SLC24A2: variants seen among roughly 807,000 people sequenced by gnomAD.
The protein encoded by SLC24A2 is solute carrier family 24 member 2, also known as sodium/potassium/calcium exchanger 2.
In SLC24A2, 36 loss-of-function variants were observed where a neutral mutation model predicts 62.0. The ratio of observed to expected loss-of-function variants is 0.58; its 90% CI spans 0.44 to 0.77. The LOEUF is 0.77. SLC24A2 is among the 30% of genes least tolerant of loss of function. The pLI is 0.00. For missense variants in SLC24A2, 846 were observed against 817.9 expected, an observed-to-expected ratio of 1.03 and a Z score of -0.42; for synonymous variants, 358 against 294.0, an observed-to-expected ratio of 1.22 and a Z score of -2.23.
intron 8 of SLC24A2, among the ~76,000 whole-genome samples, chr9:19,537,101 A>T (rs1377131457): frequency 6.6e-6 from 1 of 151,498 alleles, no homozygotes; most frequent in Admixed American, 6.6e-5. Flanking sequence ...TCTGGATATT[A>T]GCCCTTTGTG....
At chr9:19,576,781 T>A in intron 6 of SLC24A2, 143 bp downstream of exon 6, 1 of 724,756 alleles carries the variant, frequency 1.4e-6, no homozygotes, top group Non-Finnish European at 2.5e-6. Context: ...CAAGAGGGAC[T>A]CATTTCCTGT....
At chr9:19,589,080 T>C (rs533481996) in intron 5 of SLC24A2, among the ~76,000 whole-genome samples, 1 of 152,364 alleles carries the variant, frequency 6.6e-6, no homozygotes, top group East Asian at 1.9e-4. Context: ...GTGTATACTC[T>C]TTGATCTGGC....
At chr9:20,037,990 A>C in the SLC24A2 span, among the ~76,000 whole-genome samples, 1 of 152,210 alleles carries the variant, frequency 6.6e-6, no homozygotes, top group Non-Finnish European at 1.5e-5. Context: ...TGATCAAAAA[A>C]CATCAGAATT....
the SLC24A2 span, among the ~76,000 whole-genome samples, chr9:20,215,028 T>C: frequency 2.0e-5 from 3 of 152,212 alleles, no homozygotes; most frequent in East Asian, 5.8e-4. Flanking sequence ...CAAAATACCA[T>C]AGACTAGATG....
chr9:20,167,609 G>T, the SLC24A2 span, among the ~76,000 whole-genome samples: 1 of 151,988 alleles, frequency 6.6e-6, no homozygotes, highest in African/African-American at 2.4e-5. Flanking sequence ...AGTGTCCCTT[G>T]GACAAATGAT....
chr9:20,210,763 C>G, the SLC24A2 span, among the ~76,000 whole-genome samples: 1 of 147,414 alleles, frequency 6.8e-6, no homozygotes, highest in South Asian at 2.2e-4. Flanking sequence ...CTCAGCCTCC[C>G]ATAGTGCTGG....
the SLC24A2 span, among the ~76,000 whole-genome samples, chr9:19,894,720 G>A: frequency 6.6e-6 from 1 of 152,050 alleles, no homozygotes; most frequent in South Asian, 2.1e-4. Context: ...AAGAAAAAAT[G>A]GGACAAGGTA....
chr9:19,640,000 C>A (rs986683183), intron 2 of SLC24A2, among the ~76,000 whole-genome samples: 1 of 152,212 alleles, frequency 6.6e-6, no homozygotes, highest in African/African-American at 2.4e-5. Context: ...TTTCTAAGAT[C>A]CTTCATGCTT....
At chr9:19,711,831 T>C (rs957283336) in intron 2 of SLC24A2, among the ~76,000 whole-genome samples, 1 of 147,370 alleles carries the variant, frequency 6.8e-6, no homozygotes, top group Non-Finnish European at 1.5e-5. Flanking sequence ...TGTGGGCAAG[T>C]GGAAAATAAC....
the SLC24A2 span, among the ~76,000 whole-genome samples, chr9:20,011,922 A>C: frequency 4.1e-3 from 631 of 152,342 alleles, 33 homozygotes; most frequent in South Asian, 0.096. Flanking sequence ...CCATATTAAC[A>C]AAATGAAGGA....
chr9:19,875,957 T>C, the SLC24A2 span, among the ~76,000 whole-genome samples: 1 of 152,180 alleles, frequency 6.6e-6, no homozygotes, highest in Non-Finnish European at 1.5e-5. Flanking sequence ...ATCCAATACT[T>C]CAAAACAAAG....
the SLC24A2 span, among the ~76,000 whole-genome samples, chr9:19,837,257 C>T: frequency 6.6e-6 from 1 of 150,658 alleles, no homozygotes; most frequent in East Asian, 2.0e-4. Flanking sequence ...TCGAGACCAT[C>T]CTGGCTAACA....
chr9:19,937,228 G>C, the SLC24A2 span, among the ~76,000 whole-genome samples: 1,395 of 152,284 alleles, frequency 9.2e-3, 23 homozygotes, highest in African/African-American at 0.032. Flanking sequence ...CCAACTGGGA[G>C]AATTTTGGCT....
the SLC24A2 span, among the ~76,000 whole-genome samples, chr9:20,171,849 C>G: frequency 6.6e-6 from 1 of 151,856 alleles, no homozygotes; most frequent in East Asian, 1.9e-4. Context: ...TAAACTATAC[C>G]CTGGAATGAA....
chr9:19,821,124 G>A, the SLC24A2 span, among the ~76,000 whole-genome samples: 1 of 152,164 alleles, frequency 6.6e-6, no homozygotes, highest in Non-Finnish European at 1.5e-5. Context: ...TGTGAAAACA[G>A]CCAATTTAAC....
At chr9:19,784,031 T>C (rs1051427486) in intron 2 of SLC24A2, among the ~76,000 whole-genome samples, 4 of 152,214 alleles carry the variant, frequency 2.6e-5, no homozygotes, top group Non-Finnish European at 4.4e-5. Flanking sequence ...GAACACACAA[T>C]ATTAAGTATA....
chr9:19,592,504 ACCTACCTAC>A (rs1563986534), intron 5 of SLC24A2, among the ~76,000 whole-genome samples: 1 of 144,790 alleles, frequency 6.9e-6, no homozygotes, highest in East Asian at 3.3e-4. Flanking sequence ...CCACCTACCT[ACCTACCTAC>A]CTACCTACCT....
At chr9:19,533,435 G>A (rs1377418720) in intron 8 of SLC24A2, among the ~76,000 whole-genome samples, 2 of 152,174 alleles carry the variant, frequency 1.3e-5, no homozygotes, top group Non-Finnish European at 2.9e-5. Context: ...TCCACTCTTC[G>A]AATCTGGGCT....
chr9:19,558,102 C>T (rs1031058540), intron 7 of SLC24A2, among the ~76,000 whole-genome samples: 6 of 152,170 alleles, frequency 3.9e-5, no homozygotes, highest in Admixed American at 6.5e-5. Flanking sequence ...TGTTCCAGGC[C>T]TCACATTTCC....
Sources: gnomAD v4.1 joint callset for allele counts (sites outside exome capture counted in the v4.1 genomes callset) on GRCh38, gnomAD v4.1.1 for gene constraint, MANE v1.5 for transcripts, NCBI Gene and HGNC (gene_info 2026-07-23, HGNC 2026-07-21) for gene names.